Variants in ABTB2 observed in about 807,000 individuals in gnomAD.
The protein encoded by ABTB2 is ankyrin repeat and BTB/POZ domain-containing protein 2.
A neutral mutation model predicts 104.1 loss-of-function variants in ABTB2; 56 were observed. The observed-to-expected ratio is 0.54, with a 90% CI of 0.43 to 0.67. The LOEUF (loss-of-function observed/expected upper bound fraction) is 0.67, where lower values mean the gene tolerates loss of function less well. Among genes scored for constraint, ABTB2 ranks in the 30% least tolerant of loss-of-function variants. The pLI, the probability that ABTB2 is intolerant of heterozygous loss-of-function variation, is 0.00. For missense variants in ABTB2, 1,279 were observed against 1,407.7 expected, an observed-to-expected ratio of 0.91 and a Z score of 1.46; for synonymous variants, 606 against 608.2, an observed-to-expected ratio of 1.00 and a Z score of 0.05.
chr11:34,160,388 C>T (rs770350903), intron 11 of ABTB2, 35 bp from the exon 12 acceptor site: 37 of 1,501,686 alleles, frequency 2.5e-5, no homozygotes, highest in Admixed American at 1.0e-4. Flanking sequence ...GTGAGCTGCC[C>T]GCTGTGGCTG....
chr11:34,347,153 G>C (rs1855341620), intron 1 of ABTB2, among the ~76,000 whole-genome samples: 1 of 152,110 alleles, frequency 6.6e-6, no homozygotes, highest in Admixed American at 6.6e-5. Context: ...AGCAAACCAT[G>C]GGCCGGGCAT....
intron 1 of ABTB2, among the ~76,000 whole-genome samples, chr11:34,334,305 C>T (rs1022039552): frequency 2.0e-5 from 3 of 152,182 alleles, no homozygotes; most frequent in African/African-American, 7.2e-5. Context: ...ATCCAGGCAA[C>T]TTAAATATCC....
chr11:34,273,787 T>C (rs545760346), intron 1 of ABTB2, among the ~76,000 whole-genome samples: 1 of 152,258 alleles, frequency 6.6e-6, no homozygotes, highest in Non-Finnish European at 1.5e-5. Flanking sequence ...GACTGCATCA[T>C]GGGCATCACT....
chr11:34,234,649 T>A (rs962705165), intron 1 of ABTB2, among the ~76,000 whole-genome samples: 9 of 152,130 alleles, frequency 5.9e-5, no homozygotes, highest in Admixed American at 5.9e-4. Flanking sequence ...GTGCGGAATC[T>A]TTTCCTTATG....
chr11:34,299,235 A>T (rs540757440), intron 1 of ABTB2, among the ~76,000 whole-genome samples: 4 of 152,334 alleles, frequency 2.6e-5, no homozygotes, highest in African/African-American at 9.6e-5. Context: ...CAGGAATGGC[A>T]TATCAATTAA....
chr11:34,310,579 C>T lies in ABTB2; in HGVS notation c.883+46122G>A, dbSNP rs780688387. On this transcript the variant is annotated intron_variant, in intron 1 of 16. Coordinates refer to ENST00000435224, the MANE Select transcript of ABTB2 (RefSeq NM_145804.3). Reference sequence around the variant, plus strand: ...GCACAGTTCTGACCACATCAACCTCCGCTGCATCCCTCCAGCCTTTAAGTT... The same window carrying T: ...GCACAGTTCTGACCACATCAACCTCTGCTGCATCCCTCCAGCCTTTAAGTT... 5.3e-5 allele frequency among the ~76,000 whole-genome samples: 8 copies of T among 152,254 alleles called. No individual in the cohort carries two copies. The East Asian group carries it at 7.7e-4, about 15-fold the overall frequency.
Position 34,284,418 on chromosome 11 carries a change from A to G in ABTB2, c.883+72283T>C, listed in dbSNP as rs1012448523. Among the ~76,000 whole-genome samples the G allele has an allele frequency of 2.6e-5, 4 of 152,240 alleles. 1 individual carries two copies. Among genetic ancestry groups the G allele is most frequent in the Non-Finnish European group, 5.9e-5 (4 of 68,040 alleles). ...TTGGCCCCAATGTCTGAGCTGCCTTACAGAACCTCTTTGTATAACCAGAAT... is the reference window on the plus strand; with the variant it reads ...TTGGCCCCAATGTCTGAGCTGCCTTGCAGAACCTCTTTGTATAACCAGAAT... On this transcript the variant is annotated intron_variant, in intron 1 of 16. Transcript: ENST00000435224.
chr11:34,237,275 T>C (rs1853856419), intron 1 of ABTB2, among the ~76,000 whole-genome samples: 1 of 147,824 alleles, frequency 6.8e-6, no homozygotes, highest in Non-Finnish European at 1.5e-5. Flanking sequence ...TCCTGGATAT[T>C]CTTTTTTTTT....
At chr11:34,268,546 A>G (rs1276486092) in intron 1 of ABTB2, among the ~76,000 whole-genome samples, 1 of 152,220 alleles carries the variant, frequency 6.6e-6, no homozygotes, top group Non-Finnish European at 1.5e-5. Context: ...TATTTGTAGA[A>G]CAGGGATAAT....
chr11:34,345,440 GCA>G (rs1367089807), intron 1 of ABTB2, among the ~76,000 whole-genome samples: 4 of 152,116 alleles, frequency 2.6e-5, no homozygotes, highest in Admixed American at 6.5e-5. Context: ...ACAGTGCCCA[GCA>G]CACAGTCCTC....
chr11:34,333,740 G>C (rs1307514066), intron 1 of ABTB2, among the ~76,000 whole-genome samples: 1 of 152,148 alleles, frequency 6.6e-6, no homozygotes, highest in African/African-American at 2.4e-5. Context: ...TGGATGACAA[G>C]AGTGAGACTG....
intron 1 of ABTB2, among the ~76,000 whole-genome samples, chr11:34,354,467 A>G (rs1214815645): frequency 6.9e-6 from 1 of 145,702 alleles, no homozygotes; most frequent in African/African-American, 2.5e-5. Flanking sequence ...CTATTTAAAA[A>G]AACAAAAGGT....
In ABTB2 at chr11:34,279,937, T is replaced by A. The variant is rs184047127; in HGVS notation, c.884-75247A>T. Reference sequence around the variant, plus strand: ...CCAAATAGCTGGGACTACAGGTGCGTGCCACCACACCTGGCCAGAGACAGG... The same window carrying A: ...CCAAATAGCTGGGACTACAGGTGCGAGCCACCACACCTGGCCAGAGACAGG... On this transcript the variant is annotated intron_variant, in intron 1 of 16. Transcript: ENST00000435224. Among the ~76,000 whole-genome samples, 393 of 151,948 alleles carry A rather than the reference T, an allele frequency of 2.6e-3. 1 individual carries two copies. The highest frequency in any genetic ancestry group is 4.7e-3 in the Non-Finnish European group (318 of 67,962).
intron 1 of ABTB2, among the ~76,000 whole-genome samples, chr11:34,280,758 T>C (rs1254038013): frequency 6.6e-6 from 1 of 152,162 alleles, no homozygotes; most frequent in Non-Finnish European, 1.5e-5. Flanking sequence ...CTAATCCCTG[T>C]TTAATAAATG....
intron 1 of ABTB2, among the ~76,000 whole-genome samples, chr11:34,292,176 AT>A (rs1854571370): frequency 6.6e-6 from 1 of 152,252 alleles, no homozygotes; most frequent in African/African-American, 2.4e-5. Flanking sequence ...CCAAGGCTAA[AT>A]TCCTTCTGTT....
At chr11:34,191,596 C>A (rs1012330385) in intron 3 of ABTB2, among the ~76,000 whole-genome samples, 3 of 152,164 alleles carry the variant, frequency 2.0e-5, no homozygotes, top group African/African-American at 7.2e-5. Context: ...CCAGGGCAGA[C>A]CTTTATAGGA....
chr11:34,307,918 C>T (rs1409666814), intron 1 of ABTB2, among the ~76,000 whole-genome samples: 4 of 152,178 alleles, frequency 2.6e-5, no homozygotes, highest in East Asian at 1.9e-4. Flanking sequence ...AGGCTGGTCT[C>T]GAACTCCTGA....
Position 34,159,308 on chromosome 11 carries a change from G to A in ABTB2, c.2685C>T (p.Tyr895=), listed in dbSNP as rs1224809895. 2.5e-6 allele frequency: 4 copies of A among 1,613,632 alleles called. No individual in the cohort carries two copies. Among genetic ancestry groups the A allele is most frequent in the East Asian group, 2.2e-5 (1 of 44,872 alleles). The change falls in exon 14 of 17, where the codon TAC becomes TAT. Residue 895 remains tyrosine, a synonymous_variant. Coordinates refer to ENST00000435224, the MANE Select transcript of ABTB2 (RefSeq NM_145804.3). ...SKTIEISDMK[Y]HIFQMMMQYL... is the part of the protein sequence containing the mutation. ...AAGACCCACACACCTGAAAAATGTGGTACTTCATGTCGCTGATCTCGATGG... is the reference window on the plus strand; with the variant it reads ...AAGACCCACACACCTGAAAAATGTGATACTTCATGTCGCTGATCTCGATGG...
chr11:34,178,174 G>A (rs7121122), intron 3 of ABTB2, among the ~76,000 whole-genome samples: 77,914 of 142,210 alleles, frequency 0.55, 20,650 homozygotes, highest in East Asian at 0.91. Context: ...CAGAAATCTA[G>A]ATTAGCCCTC....
Sources: allele counts gnomAD v4.1 joint callset (sites outside exome capture counted in the v4.1 genomes callset), GRCh38; gene constraint gnomAD v4.1.1; transcripts MANE v1.5; gene names NCBI Gene and HGNC (gene_info 2026-07-23, HGNC 2026-07-21).